The following CRYBB2 variants were observed in gnomAD, a reference collection of about 807,000 sequenced individuals.
CRYBB2 encodes beta-crystallin B2.
In CRYBB2, 12 loss-of-function variants were observed where a neutral mutation model predicts 24.3. The observed-to-expected ratio is 0.49, with a 90% CI of 0.32 to 0.80. CRYBB2 has a LOEUF of 0.80. Ranked by LOEUF, CRYBB2 falls within the 30% of genes least tolerant of loss-of-function variation. The pLI is 0.04. For synonymous variants in CRYBB2, 98 were observed against 101.6 expected (o/e 0.96, Z 0.21); for missense variants, 198 against 268.5 (o/e 0.74, Z 1.83).
intron 1 of CRYBB2, chr22:25,213,781 G>A (rs976665436): frequency 6.6e-6 from 1 of 152,168 alleles, no homozygotes; most frequent in Non-Finnish European, 1.5e-5. Flanking sequence ...CCTACTTCCT[G>A]ATGCCCTCTG....
chr22:25,223,535 T>C (rs1432399075), intron 2 of CRYBB2, among the ~76,000 whole-genome samples: 1 of 152,178 alleles, frequency 6.6e-6, no homozygotes, highest in East Asian at 1.9e-4. Context: ...GAGGACACAT[T>C]GGAGCCCTTG....
intron 3 of CRYBB2, 80 bp downstream of exon 3, chr22:25,225,116 C>T (rs1156630377): frequency 3.6e-6 from 3 of 833,808 alleles, no homozygotes; most frequent in African/African-American, 3.3e-5. Context: ...TCTACCCTTG[C>T]TCCTGTCTGC....
rs117912569 is a variant in CRYBB2, at chr22:25,214,062, G to A, written c.-27+1222G>A. Among the ~76,000 whole-genome samples, 85 of 152,282 alleles carry A rather than the reference G, an allele frequency of 5.6e-4. No individual in the cohort carries two copies. In the East Asian group the frequency reaches 0.012, roughly 21 times the overall value. On this transcript the variant is annotated intron_variant, in intron 1 of 5. Transcript: ENST00000651629. ...ATCAAAAGCCTTTGCTTTTGGGCCA[G>A]GTGCAGTGGCCCATGACTGAAACTC...
At chr22:25,218,319 G>A (rs1200702682), upstream of CRYBB2, among the ~76,000 whole-genome samples, 1 of 151,354 alleles carries the variant, frequency 6.6e-6, no homozygotes, top group Non-Finnish European at 1.5e-5. Context: ...TGGCAGCGAT[G>A]GGGCCAGTGG....
chr22:25,221,219 A>G (rs1935314411), intron 1 of CRYBB2, among the ~76,000 whole-genome samples, 185 bp from the exon 2 acceptor site: 1 of 152,222 alleles, frequency 6.6e-6, no homozygotes, highest in Non-Finnish European at 1.5e-5. Flanking sequence ...TGGCCTGGAT[A>G]GAAATAAATG....
At chr22:25,218,769 G>A (rs55798432), upstream of CRYBB2, among the ~76,000 whole-genome samples, 1,296 of 36,702 alleles carry the variant, frequency 0.035, 38 homozygotes, top group East Asian at 0.072. Context: ...GAGAGAGAGA[G>A]AGAGAGAGAG....
At chr22:25,222,558 G>A (rs1377118486) in intron 2 of CRYBB2, among the ~76,000 whole-genome samples, 20 of 152,152 alleles carry the variant, frequency 1.3e-4, no homozygotes. Context: ...GGGCAACATA[G>A]TGAGATCCCA....
intron 1 of CRYBB2, 121 bp from the exon 2 acceptor site, chr22:25,221,283 A>T: frequency 1.4e-6 from 1 of 713,528 alleles, no homozygotes; most frequent in South Asian, 1.5e-5. Context: ...GCTCTGGGAC[A>T]GTCTGAAACC....
At chr22:25,227,732 A>G in intron 3 of CRYBB2, 121 bp from the exon 4 acceptor site, 3 of 1,557,994 alleles carry the variant, frequency 1.9e-6, no homozygotes, top group African/African-American at 1.4e-5. Flanking sequence ...GGGTGGGGCT[A>G]TTACATCTTG....
At chr22:25,228,967 CAT>C (rs761720300) in intron 4 of CRYBB2, among the ~76,000 whole-genome samples, 49 of 149,210 alleles carry the variant, frequency 3.3e-4, no homozygotes, top group Middle Eastern at 3.5e-3. Context: ...TGCGTGTGTC[CAT>C]GTGTGTGTGC....
chr22:25,227,220 G>A (rs751277185), intron 3 of CRYBB2, among the ~76,000 whole-genome samples: 40 of 152,088 alleles, frequency 2.6e-4, no homozygotes, highest in Non-Finnish European at 5.3e-4. Context: ...AGCCATGCCC[G>A]ACCTGAAAGC....
Position 25,231,622 on chromosome 22 carries a change from C to T in CRYBB2, c.468C>T (p.Tyr156=), listed in dbSNP as rs781622480. Residue 156 remains tyrosine, a synonymous_variant, in exon 6 of 6, where the codon TAC becomes TAT. Transcript: ENST00000398215. The stretch of plus-strand genomic sequence containing the variant: ...CCTGCAGGTGGGTTGGCTACCAGTA[C>T]CCCGGCTACCGTGGGCTGCAGTACC... ...VQSGTWVGYQ[Y]PGYRGLQYLL... 2.5e-5 allele frequency: 40 copies of T among 1,614,052 alleles called. No homozygotes were observed. Among genetic ancestry groups the T allele is most frequent in the Non-Finnish European group, 3.3e-5 (39 of 1,180,028 alleles).
chr22:25,217,581 T>G (rs535105269), upstream of CRYBB2, among the ~76,000 whole-genome samples: 1 of 152,252 alleles, frequency 6.6e-6, no homozygotes, highest in South Asian at 2.1e-4. Context: ...CTTCCCAAAG[T>G]GCTGGGATTA....
At chr22:25,216,200 A>C (rs1391180403), upstream of CRYBB2, among the ~76,000 whole-genome samples, 2 of 152,242 alleles carry the variant, frequency 1.3e-5, no homozygotes, top group African/African-American at 4.8e-5. Flanking sequence ...ACCTGTGTCC[A>C]TAAAAGATAT....
At chr22:25,218,188 G>A (rs1388393473), upstream of CRYBB2, among the ~76,000 whole-genome samples, 3 of 151,900 alleles carry the variant, frequency 2.0e-5, no homozygotes, top group East Asian at 3.9e-4. Flanking sequence ...GAACACGGGA[G>A]GCAGAGCTTG....
At chr22:25,219,072 T>C (rs2146085474), upstream of CRYBB2, among the ~76,000 whole-genome samples, 1 of 151,970 alleles carries the variant, frequency 6.6e-6, no homozygotes, top group East Asian at 1.9e-4. Context: ...CTTGGAACTG[T>C]CCCCCCACCC....
chr22:25,218,152 G>T (rs940700998), upstream of CRYBB2, among the ~76,000 whole-genome samples: 1 of 152,110 alleles, frequency 6.6e-6, no homozygotes. Context: ...CCAGCTACTA[G>T]GGAGGCTGAA....
At chr22:25,229,860 G>A (rs1268158000) in intron 5 of CRYBB2, among the ~76,000 whole-genome samples, 1 of 151,924 alleles carries the variant, frequency 6.6e-6, no homozygotes. Flanking sequence ...TATGTCAGAG[G>A]GGCAAGTTGA....
At chr22:25,222,923 G>A (rs5760918) in intron 2 of CRYBB2, among the ~76,000 whole-genome samples, 110,712 of 152,094 alleles carry the variant, frequency 0.73, 40,610 homozygotes, top group East Asian at 0.96. Context: ...TGTATGTTAC[G>A]CTTATAGCAC....
Sources: allele counts gnomAD v4.1 joint callset (sites outside exome capture counted in the v4.1 genomes callset), GRCh38; gene constraint gnomAD v4.1.1; transcripts MANE v1.5; gene names NCBI Gene and HGNC (gene_info 2026-07-23, HGNC 2026-07-21).